The following GSTCD variants were observed in gnomAD, a reference collection of about 807,000 sequenced individuals.
GSTCD encodes the protein glutathione S-transferase C-terminal domain containing.
In GSTCD, 44 loss-of-function variants were observed where a neutral mutation model predicts 68.3. The ratio of observed to expected loss-of-function variants is 0.64; its 90% CI spans 0.51 to 0.83. The LOEUF (loss-of-function observed/expected upper bound fraction) is 0.83. GSTCD is among the 40% of genes least tolerant of loss of function. The pLI is 0.00. For missense variants in GSTCD, 739 were observed against 735.9 expected, an observed-to-expected ratio of 1.00 and a Z score of -0.05; for synonymous variants, 273 against 255.2, an observed-to-expected ratio of 1.07 and a Z score of -0.67.
rs564263855 is a variant in GSTCD, at chr4:105,774,989, C to T, written c.1240+45490C>T. Among the ~76,000 whole-genome samples, 4 of 81,180 alleles carry T rather than the reference C, an allele frequency of 4.9e-5. No individual in the cohort carries two copies. The East Asian group carries it at 2.2e-3, about 44-fold the overall frequency. 53.3% of individuals were successfully genotyped at this position (81,180 alleles called of 152,430 possible). On this transcript the variant is annotated intron_variant, in intron 5 of 11. Coordinates refer to ENST00000515279, the MANE Select transcript of GSTCD (RefSeq NM_001370181.1). ...CCAGTCTCCCTGTCACTTTCAGGTA[C>T]ACCAATCAAACTTAGGTTTCGTCTT... is the stretch of plus-strand genomic sequence containing the variant.
At chr4:105,795,193 G>C (rs1485485268) in intron 5 of GSTCD, among the ~76,000 whole-genome samples, 13 of 151,906 alleles carry the variant, frequency 8.6e-5, no homozygotes. Flanking sequence ...GGTTTTACTT[G>C]ATATATTGGA....
chr4:105,790,003 A>G (rs548520568), intron 5 of GSTCD, among the ~76,000 whole-genome samples: 2 of 151,962 alleles, frequency 1.3e-5, no homozygotes, highest in Admixed American at 1.3e-4. Context: ...ATTCACTGCA[A>G]CTCACCAGAT....
At chr4:105,715,080 T>C (rs1433966084) in intron 1 of GSTCD, among the ~76,000 whole-genome samples, 1 of 152,148 alleles carries the variant, frequency 6.6e-6, no homozygotes, top group Non-Finnish European at 1.5e-5. Context: ...AAAACTGCTT[T>C]CTTGAAACAC....
chr4:105,729,558 T>C, intron 5 of GSTCD, 59 bp downstream of exon 5: 1 of 1,065,284 alleles, frequency 9.4e-7, no homozygotes, highest in South Asian at 1.4e-5. Flanking sequence ...TTCAGATATG[T>C]CTTCTAATTC....
At chr4:105,748,186 C>T (rs1456077182) in intron 5 of GSTCD, among the ~76,000 whole-genome samples, 1 of 151,676 alleles carries the variant, frequency 6.6e-6, no homozygotes, top group Non-Finnish European at 1.5e-5. Flanking sequence ...ACCTGGGAGG[C>T]GGAGGTTGGG....
chr4:105,836,589 C>T (rs560687269), intron 9 of GSTCD, among the ~76,000 whole-genome samples: 3 of 152,176 alleles, frequency 2.0e-5, no homozygotes, highest in South Asian at 4.2e-4. Context: ...CCTTGGTGTC[C>T]ATCTCATGCT....
intron 5 of GSTCD, among the ~76,000 whole-genome samples, chr4:105,756,140 A>G (rs1734179914): frequency 6.6e-6 from 1 of 152,234 alleles, no homozygotes; most frequent in South Asian, 2.1e-4. Flanking sequence ...TCCTGAGCAC[A>G]GGAGTTTCTG....
At chr4:105,711,401 T>C (rs1732532211) in intron 1 of GSTCD, among the ~76,000 whole-genome samples, 1 of 151,674 alleles carries the variant, frequency 6.6e-6, no homozygotes. Context: ...CAGTAACAAA[T>C]ATGTTTTTTT....
At chr4:105,796,597 A>G (rs1279250155) in intron 5 of GSTCD, among the ~76,000 whole-genome samples, 6 of 151,886 alleles carry the variant, frequency 4.0e-5, no homozygotes, top group Admixed American at 3.3e-4. Context: ...ATGTTTTCTT[A>G]CTGTCTTTAG....
At chr4:105,753,709 C>T (rs1734084377) in intron 5 of GSTCD, among the ~76,000 whole-genome samples, 1 of 152,104 alleles carries the variant, frequency 6.6e-6, no homozygotes, top group East Asian at 1.9e-4. Flanking sequence ...TAGAATCAAT[C>T]CTTCACTGAT....
chr4:105,745,609 G>A (rs900216292), intron 5 of GSTCD, among the ~76,000 whole-genome samples: 1 of 152,126 alleles, frequency 6.6e-6, no homozygotes, highest in Non-Finnish European at 1.5e-5. Context: ...TATAAAAGAG[G>A]GTTATGTTCT....
intron 5 of GSTCD, among the ~76,000 whole-genome samples, chr4:105,741,060 ACTTATT>A (rs1200460251): frequency 6.6e-6 from 1 of 151,950 alleles, no homozygotes; most frequent in Non-Finnish European, 1.5e-5. Flanking sequence ...TCACTTATTC[ACTTATT>A]CTTAAGTTTT....
rs1303707138 is a variant in GSTCD at position 105,835,185 on chromosome 4, C to T, written c.1664+591C>T. Among the ~76,000 whole-genome samples, 7 of 152,178 alleles carry T rather than the reference C, an allele frequency of 4.6e-5. No homozygotes were observed. The South Asian group carries it at 1.2e-3, about 27-fold the overall frequency. On this transcript the variant is annotated intron_variant, in intron 9 of 11. Coordinates refer to ENST00000515279, the MANE Select transcript of GSTCD (RefSeq NM_001370181.1). ...CAATGTCACAGGATCCTTGGGGCGT[C>T]GCTTTGCCAGCTGGATCCTCTGTGG...
chr4:105,772,602 C>T (rs979049423), intron 5 of GSTCD, among the ~76,000 whole-genome samples: 14 of 152,120 alleles, frequency 9.2e-5, no homozygotes, highest in Non-Finnish European at 1.5e-4. Flanking sequence ...TTTTCTGCAT[C>T]TATTGAGATA....
chr4:105,776,619 G>A (rs536973239), intron 5 of GSTCD, among the ~76,000 whole-genome samples: 6 of 152,172 alleles, frequency 3.9e-5, no homozygotes, highest in African/African-American at 1.2e-4. Context: ...GCACTTCATC[G>A]GTGAGGCAAT....
At chr4:105,839,082 C>T (rs1452604595) in intron 10 of GSTCD, among the ~76,000 whole-genome samples, 7 of 152,170 alleles carry the variant, frequency 4.6e-5, no homozygotes, top group African/African-American at 1.2e-4. Flanking sequence ...TTATGTGCTA[C>T]TCACACCTTC....
intron 11 of GSTCD, among the ~76,000 whole-genome samples, chr4:105,842,408 A>G (rs1724391457): frequency 6.6e-6 from 1 of 152,234 alleles, no homozygotes; most frequent in Non-Finnish European, 1.5e-5. Context: ...TACTGTTATG[A>G]ACAAACTGCA....
chr4:105,743,620 A>T (rs1733707149), intron 5 of GSTCD, among the ~76,000 whole-genome samples: 1 of 150,440 alleles, frequency 6.6e-6, no homozygotes, highest in Non-Finnish European at 1.5e-5. Context: ...TTTCACTCCT[A>T]AATACTTAAA....
intron 10 of GSTCD, among the ~76,000 whole-genome samples, chr4:105,839,827 T>G (rs1724266830): frequency 1.3e-5 from 2 of 152,166 alleles, no homozygotes; most frequent in Admixed American, 6.5e-5. Context: ...GGTGAAGAGA[T>G]AGGCTGCCCA....
Sources: gnomAD v4.1 joint callset for allele counts (sites outside exome capture counted in the v4.1 genomes callset) on GRCh38, gnomAD v4.1.1 for gene constraint, MANE v1.5 for transcripts, NCBI Gene and HGNC (gene_info 2026-07-23, HGNC 2026-07-21) for gene names.